SGCZ: variants seen among roughly 807,000 people sequenced by gnomAD.
SGCZ encodes the protein sarcoglycan zeta.
In SGCZ, 40 loss-of-function variants were observed where a neutral mutation model predicts 41.3. The ratio of observed to expected loss-of-function variants is 0.97; its 90% CI spans 0.75 to 1.26. The LOEUF is 1.26. SGCZ is among the 50% of genes most tolerant of loss of function. The pLI is 0.00. For synonymous variants in SGCZ, 206 were observed against 137.5 expected (o/e 1.50, Z -3.49); for missense variants, 552 against 369.8 (o/e 1.49, Z -4.04).
intron 1 of SGCZ, among the ~76,000 whole-genome samples, chr8:15,214,878 G>C (rs1005448511): frequency 1.3e-5 from 2 of 152,142 alleles, no homozygotes; most frequent in African/African-American, 4.8e-5. Flanking sequence ...AAGAAATGAA[G>C]AGCAGGTGTT....
intron 1 of SGCZ, among the ~76,000 whole-genome samples, chr8:14,633,020 C>T (rs187895229): frequency 1.4e-3 from 213 of 151,648 alleles, no homozygotes; most frequent in Non-Finnish European, 1.1e-3. Context: ...AATTTAATCC[C>T]AAAATAGGTA....
At chr8:14,698,636 G>A (rs534684674) in intron 1 of SGCZ, among the ~76,000 whole-genome samples, 10 of 151,874 alleles carry the variant, frequency 6.6e-5, no homozygotes, top group Non-Finnish European at 1.3e-4. Context: ...GTGTGGGGGG[G>A]TATAATCATG....
At chr8:15,213,156 G>A (rs1801291169) in intron 1 of SGCZ, among the ~76,000 whole-genome samples, 1 of 151,928 alleles carries the variant, frequency 6.6e-6, no homozygotes, top group African/African-American at 2.4e-5. Context: ...TTCAATAATT[G>A]TCTTTTAATC....
intron 1 of SGCZ, among the ~76,000 whole-genome samples, chr8:15,114,680 C>G (rs1585578116): frequency 6.6e-6 from 1 of 151,970 alleles, no homozygotes; most frequent in East Asian, 1.9e-4. Flanking sequence ...ATATTCAGAT[C>G]TGAGCTAAAA....
At chr8:15,233,881 T>C (rs1802040410) in intron 1 of SGCZ, among the ~76,000 whole-genome samples, 1 of 152,124 alleles carries the variant, frequency 6.6e-6, no homozygotes, top group South Asian at 2.1e-4. Flanking sequence ...AGGATCTAAC[T>C]TGACTGAAAA....
intron 1 of SGCZ, among the ~76,000 whole-genome samples, chr8:14,826,880 A>G (rs1167111162): frequency 6.6e-6 from 1 of 152,076 alleles, no homozygotes; most frequent in African/African-American, 2.4e-5. Flanking sequence ...CCCATTCTGT[A>G]GGCTGCCTGT....
At chr8:15,090,119 T>C (rs983227972) in intron 1 of SGCZ, among the ~76,000 whole-genome samples, 3 of 152,214 alleles carry the variant, frequency 2.0e-5, no homozygotes, top group African/African-American at 7.2e-5. Flanking sequence ...AAATGGAAAT[T>C]TGTTTCTTAG....
At chr8:15,133,412 A>G (rs1349948470) in intron 1 of SGCZ, among the ~76,000 whole-genome samples, 1 of 152,178 alleles carries the variant, frequency 6.6e-6, no homozygotes, top group East Asian at 1.9e-4. Context: ...TCTACAGGTC[A>G]TGATTTCATA....
intron 1 of SGCZ, among the ~76,000 whole-genome samples, chr8:14,714,993 C>G (rs780134180): frequency 3.3e-5 from 5 of 152,088 alleles, no homozygotes; most frequent in African/African-American, 9.7e-5. Context: ...AGTGGTTTAG[C>G]CTTCCAATGG....
chr8:14,114,359 T>C (rs529026403), intron 5 of SGCZ, among the ~76,000 whole-genome samples: 2 of 152,130 alleles, frequency 1.3e-5, no homozygotes, highest in South Asian at 4.1e-4. Flanking sequence ...GAAACTGTTA[T>C]TATGAGCATA....
intron 7 of SGCZ, among the ~76,000 whole-genome samples, chr8:14,093,763 C>G (rs1178419006): frequency 6.6e-6 from 1 of 152,052 alleles, no homozygotes. Context: ...CAAATTTGCT[C>G]CAATTCTCCA....
chr8:14,908,405 G>T (rs897665384), intron 1 of SGCZ, among the ~76,000 whole-genome samples: 5 of 151,946 alleles, frequency 3.3e-5, no homozygotes, highest in African/African-American at 1.2e-4. Context: ...TCTACCAAGG[G>T]GTATAATAAA....
chr8:15,028,767 A>C (rs530436334), intron 1 of SGCZ, among the ~76,000 whole-genome samples: 1 of 152,186 alleles, frequency 6.6e-6, no homozygotes, highest in Admixed American at 6.5e-5. Context: ...TATGAGGTTA[A>C]GATCTTCCTA....
chr8:15,029,415 T>C (rs1803576265), intron 1 of SGCZ, among the ~76,000 whole-genome samples: 1 of 152,100 alleles, frequency 6.6e-6, no homozygotes, highest in Admixed American at 6.5e-5. Flanking sequence ...ATATTGTGTG[T>C]GTGCATGTTC....
chr8:14,639,977 C>G (rs1349763267), intron 1 of SGCZ, among the ~76,000 whole-genome samples: 1 of 151,442 alleles, frequency 6.6e-6, no homozygotes, highest in Admixed American at 6.6e-5. Flanking sequence ...AAGATAAATC[C>G]CGAGATATAC....
At chr8:15,015,475 G>T (rs1465232856) in intron 1 of SGCZ, among the ~76,000 whole-genome samples, 1 of 151,906 alleles carries the variant, frequency 6.6e-6, no homozygotes, top group Non-Finnish European at 1.5e-5. Flanking sequence ...CAAGGCGGGT[G>T]GATCACGAGG....
At chr8:14,822,187 G>A (rs931402919) in intron 1 of SGCZ, among the ~76,000 whole-genome samples, 1 of 151,620 alleles carries the variant, frequency 6.6e-6, no homozygotes, top group South Asian at 2.1e-4. Context: ...CGTTTGTATA[G>A]GCTAATAATT....
At chr8:15,082,391 T>C (rs1805786514) in intron 1 of SGCZ, among the ~76,000 whole-genome samples, 2 of 151,480 alleles carry the variant, frequency 1.3e-5, no homozygotes, top group Admixed American at 1.3e-4. Flanking sequence ...TACATATATA[T>C]ATATACACAC....
intron 1 of SGCZ, among the ~76,000 whole-genome samples, chr8:15,197,552 T>C (rs973097021): frequency 2.0e-5 from 3 of 152,152 alleles, no homozygotes; most frequent in Admixed American, 6.5e-5. Flanking sequence ...AGGAATTTAT[T>C]GGAAGAACAT....
Sources: gnomAD v4.1 joint callset for allele counts (sites outside exome capture counted in the v4.1 genomes callset) on GRCh38, gnomAD v4.1.1 for gene constraint, MANE v1.5 for transcripts, NCBI Gene and HGNC (gene_info 2026-07-23, HGNC 2026-07-21) for gene names.